CTNND2: variants seen among roughly 807,000 people sequenced by gnomAD.
The protein encoded by CTNND2 is catenin delta 2, also known as catenin delta-2.
A neutral mutation model predicts 144.4 loss-of-function variants in CTNND2; 22 were observed. The ratio of observed to expected loss-of-function variants is 0.15; its 90% CI spans 0.11 to 0.22. The LOEUF is 0.22. Ranked by LOEUF, CTNND2 falls within the 10% of genes least tolerant of loss-of-function variation. The pLI is 1.00. For missense variants in CTNND2, 1,353 were observed against 1,618.8 expected (o/e 0.84, Z 2.82); for synonymous variants, 751 against 695.6 (o/e 1.08, Z -1.25).
intron 16 of CTNND2, among the ~76,000 whole-genome samples, chr5:11,049,834 T>C (rs553499923): frequency 2.0e-5 from 3 of 152,338 alleles, no homozygotes; most frequent in South Asian, 4.1e-4. Context: ...TGGGAGTTAG[T>C]AGTTTCATTT....
At chr5:11,579,281 T>C (rs1778225400) in intron 2 of CTNND2, among the ~76,000 whole-genome samples, 1 of 152,150 alleles carries the variant, frequency 6.6e-6, no homozygotes, top group Admixed American at 6.5e-5. Flanking sequence ...GTGATAAATG[T>C]ACCACCGTTG....
intron 18 of CTNND2, among the ~76,000 whole-genome samples, chr5:10,999,317 C>A (rs1306839755): frequency 6.6e-6 from 1 of 152,172 alleles, no homozygotes; most frequent in Non-Finnish European, 1.5e-5. Flanking sequence ...CATATCATTT[C>A]AATCATTATT....
At chr5:11,523,886 G>A (rs1020036565) in intron 3 of CTNND2, among the ~76,000 whole-genome samples, 3 of 152,118 alleles carry the variant, frequency 2.0e-5, no homozygotes, top group East Asian at 1.9e-4. Flanking sequence ...GGGTCTGCAC[G>A]TCTCATTCTC....
chr5:11,265,791 C>T (rs947739214), intron 9 of CTNND2, among the ~76,000 whole-genome samples: 1 of 150,352 alleles, frequency 6.7e-6, no homozygotes, highest in Non-Finnish European at 1.5e-5. Flanking sequence ...CTGCAACCTC[C>T]GCCTCCCAGG....
intron 8 of CTNND2, among the ~76,000 whole-genome samples, chr5:11,364,167 T>C (rs1041888720): frequency 3.3e-5 from 5 of 152,212 alleles, no homozygotes; most frequent in African/African-American, 1.2e-4. Context: ...GATTGAACCA[T>C]TTGCAATTGC....
intron 1 of CTNND2, among the ~76,000 whole-genome samples, chr5:11,898,031 C>T (rs544114963): frequency 2.4e-4 from 36 of 152,302 alleles, no homozygotes; most frequent in African/African-American, 8.2e-4. Context: ...GAGAGCAAGG[C>T]TTGGCTCTGC....
intron 12 of CTNND2, among the ~76,000 whole-genome samples, chr5:11,157,446 A>T (rs1758325606): frequency 6.6e-6 from 1 of 152,146 alleles, no homozygotes; most frequent in Non-Finnish European, 1.5e-5. Context: ...CTAAATTGCC[A>T]CTAGGCTGTT....
At chr5:11,547,041 G>C (rs191714336) in intron 3 of CTNND2, among the ~76,000 whole-genome samples, 2 of 152,178 alleles carry the variant, frequency 1.3e-5, no homozygotes, top group Non-Finnish European at 2.9e-5. Context: ...GGCCGAAGTG[G>C]GTGGATCACC....
At chr5:11,176,328 G>C (rs1482931268) in intron 11 of CTNND2, among the ~76,000 whole-genome samples, 1 of 139,026 alleles carries the variant, frequency 7.2e-6, no homozygotes, top group Non-Finnish European at 1.5e-5. Flanking sequence ...CCCATCTTCT[G>C]TCTTGGTGAG....
chr5:11,290,619 A>G lies in CTNND2; in HGVS notation c.1629-53796T>C, dbSNP rs532197361. ...ATGCAACTATAATTTACCTTCAGAG[A>G]GAGCTTTTAAAAAGCTATAAAAGAA... On this transcript the variant is annotated intron_variant, in intron 9 of 21. Transcript: ENST00000304623. 1.2e-4 allele frequency among the ~76,000 whole-genome samples: 19 copies of G among 152,298 alleles called. 1 individual carries two copies. The South Asian group carries it at 3.9e-3, about 32-fold the overall frequency.
intron 9 of CTNND2, among the ~76,000 whole-genome samples, chr5:11,238,589 A>T (rs1250311840): frequency 6.6e-6 from 1 of 152,138 alleles, no homozygotes; most frequent in African/African-American, 2.4e-5. Context: ...GAAATAGAAT[A>T]CCTCTTGAAA....
chr5:11,177,924 T>C (rs557015931), intron 11 of CTNND2, among the ~76,000 whole-genome samples: 1 of 152,314 alleles, frequency 6.6e-6, no homozygotes, highest in South Asian at 2.1e-4. Flanking sequence ...ATTTAAATAC[T>C]ATAGCAAGTT....
chr5:11,706,881 C>T (rs1467095289), intron 2 of CTNND2, among the ~76,000 whole-genome samples: 1 of 151,786 alleles, frequency 6.6e-6, no homozygotes, highest in Non-Finnish European at 1.5e-5. Flanking sequence ...GTCAGGAGAT[C>T]GAGACCATCC....
In CTNND2 at chr5:11,452,873, T is replaced by C. The variant is rs61137641; in HGVS notation, c.288-40804A>G. 3.3e-5 allele frequency among the ~76,000 whole-genome samples: 5 copies of C among 152,358 alleles called. No homozygotes were observed. The East Asian group carries it at 9.6e-4, about 29-fold the overall frequency. Reference sequence around the variant, plus strand: ...TACATAGGTTTGCGATCTATCCTAATATATGTATATGACACTGATCAATTG... The same window carrying C: ...TACATAGGTTTGCGATCTATCCTAACATATGTATATGACACTGATCAATTG... On this transcript the variant is annotated intron_variant, in intron 3 of 21. Coordinates refer to ENST00000304623, the MANE Select transcript of CTNND2 (RefSeq NM_001332.4).
At chr5:11,062,639 T>TTCCACTGGGGGCAGGC (rs1747125432) in intron 16 of CTNND2, among the ~76,000 whole-genome samples, 1 of 152,208 alleles carries the variant, frequency 6.6e-6, no homozygotes, top group Non-Finnish European at 1.5e-5. Flanking sequence ...ATAGCTATAG[T>TTCCACTGGGGGCAGGC]TCCACTGGGG....
intron 16 of CTNND2, among the ~76,000 whole-genome samples, chr5:11,079,265 T>C (rs938307401): frequency 2.5e-5 from 3 of 121,784 alleles, no homozygotes. Flanking sequence ...CAAGATCACC[T>C]GCACCCTTGC....
At chr5:11,466,575 T>C (rs1483301806) in intron 3 of CTNND2, among the ~76,000 whole-genome samples, 5 of 152,256 alleles carry the variant, frequency 3.3e-5, no homozygotes, top group Non-Finnish European at 7.3e-5. Context: ...CTCTTCTCTC[T>C]TCCTTTTTTA....
rs1375750850 is a variant in CTNND2, at chr5:11,304,858, TGTTTCCCACTA to T, written c.1628+41503_1628+41513del. ...TCTCCATCTGCTGGGAATCTCCACG[TGTTTCCCACTA>T]GTCTAAGCTCAATGCGGAAAAGAAC... is the stretch of plus-strand genomic sequence containing the variant. On this transcript the variant is annotated intron_variant, in intron 9 of 21. Transcript: ENST00000304623. 5.9e-5 allele frequency among the ~76,000 whole-genome samples: 9 copies of T among 152,344 alleles called. No homozygotes were observed. The East Asian group carries it at 1.7e-3, about 29-fold the overall frequency.
At chr5:11,110,769 G>A in intron 14 of CTNND2, 89 bp downstream of exon 14, 2 of 1,245,210 alleles carry the variant, frequency 1.6e-6, no homozygotes, top group Non-Finnish European at 2.2e-6. Flanking sequence ...TGATGAAAAT[G>A]CAGGGCTCAT....
Sources: gnomAD v4.1 joint callset for allele counts (sites outside exome capture counted in the v4.1 genomes callset) on GRCh38, gnomAD v4.1.1 for gene constraint, MANE v1.5 for transcripts, NCBI Gene and HGNC (gene_info 2026-07-23, HGNC 2026-07-21) for gene names.